TIMM50: variants seen among roughly 807,000 people sequenced by gnomAD.
TIMM50 encodes mitochondrial import inner membrane translocase subunit TIM50.
TIMM50 carries 34 observed loss-of-function variants against 49.6 expected under a neutral mutation model. That is an observed-to-expected ratio of 0.69 (90% confidence interval 0.52 to 0.91). The LOEUF (loss-of-function observed/expected upper bound fraction) is 0.91, where lower values mean the gene tolerates loss of function less well. Ranked by LOEUF, TIMM50 falls within the 40% of genes least tolerant of loss-of-function variation. TIMM50 has a pLI of 0.00. For synonymous variants in TIMM50, 199 were observed against 198.4 expected (o/e 1.00, Z -0.03); for missense variants, 458 against 477.8 (o/e 0.96, Z 0.39).
At position 39,481,874 on chromosome 19, in the gene TIMM50, C is replaced by T; in HGVS notation, c.109-9C>T. 6.2e-7 allele frequency: 1 copy of T among 1,610,136 alleles called. No homozygotes were observed. The highest frequency in any genetic ancestry group is 1.1e-5 in the South Asian group (1 of 91,008). On this transcript the variant is annotated splice_polypyrimidine_tract_variant and intron_variant, in intron 1 of 10. Coordinates refer to ENST00000607714, the MANE Select transcript of TIMM50 (RefSeq NM_001001563.5). ...CTCTCTTGGCTGACCTCCCCTTTCT[C>T]AACCGCAGGCCGCAGAGATCGGGAG...
chr19:39,483,903 G>T (rs2146151489), intron 4 of TIMM50, among the ~76,000 whole-genome samples: 1 of 152,070 alleles, frequency 6.6e-6, no homozygotes, highest in East Asian at 1.9e-4. Context: ...GCCTAGGCTG[G>T]AGTGCAGTGA....
In TIMM50 at chr19:39,490,980, T is replaced by G. The variant is rs1295341592; in HGVS notation, c.*1160T>G. ...TTGTGGTGAGCCGAGATCGCACCATTGCACTCCAGCCTGGGCAACAGCAGC... is the reference window on the plus strand; with the variant it reads ...TTGTGGTGAGCCGAGATCGCACCATGGCACTCCAGCCTGGGCAACAGCAGC... On this transcript the variant is annotated 3_prime_UTR_variant, in exon 11 of 11. Coordinates refer to ENST00000607714, the MANE Select transcript of TIMM50 (RefSeq NM_001001563.5). The G allele has an allele frequency of 6.6e-6, 1 of 151,584 alleles. No homozygotes were observed. The highest frequency in any genetic ancestry group is 1.5e-5 in the Non-Finnish European group (1 of 68,032). The allele number at this position is 151,584 out of a possible 1,614,324, so 9.4% of individuals were successfully genotyped here.
Position 39,491,068 on chromosome 19 carries a change from GC to G in TIMM50, c.*1249del, listed in dbSNP as rs145654786. On this transcript the variant is annotated 3_prime_UTR_variant, in exon 11 of 11. Coordinates refer to ENST00000607714, the MANE Select transcript of TIMM50 (RefSeq NM_001001563.5). ...AAATGTTGGCTTCTAACTAAAACAG[GC>G]AGATATGTAGCAGTGTTCTCCACTG... 0.041 allele frequency: 6,199 copies of G among 152,040 alleles called. 136 individuals carry two copies. The highest frequency in any genetic ancestry group is 0.067 in the South Asian group (322 of 4,816). 9.4% of individuals were successfully genotyped at this position (152,040 alleles called of 1,614,324 possible). A position where few individuals can be genotyped will look rare whatever the true frequency, so the allele number is the denominator to read the frequency against.
chr19:39,490,007 C>A lies in TIMM50; in HGVS notation c.*187C>A, dbSNP rs75313376. 7.2e-5 allele frequency: 44 copies of A among 613,052 alleles called. No homozygotes were observed. In the African/African-American group the frequency reaches 7.4e-4, roughly 10 times the overall value. 38.0% of individuals were successfully genotyped at this position (613,052 alleles called of 1,614,324 possible). On this transcript the variant is annotated 3_prime_UTR_variant, in exon 11 of 11. Transcript: ENST00000607714. ...GGGTCATCGTCCCACAGTGGCTGATCGGCTGCCAAGCACAGTGGGGGTGCT... is the reference window on the plus strand; with the variant it reads ...GGGTCATCGTCCCACAGTGGCTGATAGGCTGCCAAGCACAGTGGGGGTGCT...
At chr19:39,488,691 T>C (rs1568443364) in intron 10 of TIMM50, 46 bp downstream of exon 10, 2 of 1,517,980 alleles carry the variant, frequency 1.3e-6, no homozygotes, top group Non-Finnish European at 1.8e-6. Flanking sequence ...CTGAGGCTCC[T>C]GAAGGAGGAG....
chr19:39,488,474 C>G, intron 9 of TIMM50, 65 bp from the exon 10 acceptor site: 1 of 1,489,492 alleles, frequency 6.7e-7, no homozygotes, highest in Admixed American at 1.7e-5. Flanking sequence ...GGACGTTCCC[C>G]TCATGGGCCC....
chr19:39,481,389 A>G (rs73930735), intron 1 of TIMM50: 2,618 of 258,138 alleles, frequency 0.01, 70 homozygotes, highest in African/African-American at 0.054. Context: ...CTCCAAGTCT[A>G]TCACTTCTGT....
intron 10 of TIMM50, 115 bp downstream of exon 10, chr19:39,488,760 CCT>C: frequency 2.7e-6 from 2 of 749,888 alleles, no homozygotes; most frequent in East Asian, 2.6e-5. Flanking sequence ...GCAGATACCT[CCT>C]CTCTGCCTCA....
At chr19:39,482,831 G>A in intron 2 of TIMM50, 54 bp from the exon 3 acceptor site, 1 of 1,612,820 alleles carries the variant, frequency 6.2e-7, no homozygotes, top group Non-Finnish European at 8.5e-7. Context: ...TCCTCCCTCG[G>A]GACCCAGGGG....
At chr19:39,486,987 TG>T (rs2079511654) in intron 8 of TIMM50, among the ~76,000 whole-genome samples, 1 of 152,114 alleles carries the variant, frequency 6.6e-6, no homozygotes, top group African/African-American at 2.4e-5. Flanking sequence ...GGTTCTGTGT[TG>T]CTCTTGGAAA....
Position 39,488,411 on chromosome 19 carries a change from A to G in TIMM50, c.854-128A>G. 3 of 1,087,656 alleles carry G rather than the reference A, an allele frequency of 2.8e-6. No individual in the cohort carries two copies. The South Asian group carries it at 4.4e-5, about 16-fold the overall frequency. The allele number at this position is 1,087,656 out of a possible 1,614,324, so 67.4% of individuals were successfully genotyped here. ...TGGGGATGTTCAGGGGAGCCCTTTC[A>G]GAGCGTTCAGAAGCATTCCAGGTAG... On this transcript the variant is annotated intron_variant, in intron 9 of 10. Transcript: ENST00000607714.
In TIMM50 at chr19:39,486,276, G is replaced by A. The variant is rs62120692; in HGVS notation, c.582G>A (p.Thr194=). ...LAPLYEIVIF[T]SETGMTAFPL... is the part of the protein sequence containing the mutation. The stretch of plus-strand genomic sequence containing the variant: ...CTTTATATGAAATTGTCATCTTTAC[G>A]TCAGAGACTGGCATGGTGAGGCTCT... The change falls in exon 7 of 11, where the codon ACG becomes ACA. Residue 194 remains threonine (T), a synonymous_variant. Transcript: ENST00000607714. 1.9e-5 allele frequency: 30 copies of A among 1,614,008 alleles called. No homozygotes were observed. The highest frequency in any genetic ancestry group is 1.1e-4 in the African/African-American group (8 of 74,910).
intron 7 of TIMM50, 32 bp from the exon 8 acceptor site, chr19:39,486,365 C>T: frequency 1.2e-6 from 2 of 1,613,492 alleles, no homozygotes; most frequent in Non-Finnish European, 1.7e-6. Context: ...AGGGCTCAGC[C>T]TGACCTTTTC....
chr19:39,487,427 C>T (rs1323237730), intron 8 of TIMM50, among the ~76,000 whole-genome samples: 2 of 152,106 alleles, frequency 1.3e-5, no homozygotes, highest in Non-Finnish European at 2.9e-5. Flanking sequence ...CACACACCAC[C>T]ATGCCTGGCT....
At chr19:39,481,562 C>G (rs1296274862) in intron 1 of TIMM50, among the ~76,000 whole-genome samples, 1 of 152,216 alleles carries the variant, frequency 6.6e-6, no homozygotes, top group South Asian at 2.1e-4. Flanking sequence ...CGTTCCCTCT[C>G]ATCCCAGTGT....
chr19:39,482,218 C>T (rs536510712), intron 2 of TIMM50, among the ~76,000 whole-genome samples, 185 bp downstream of exon 2: 14 of 152,254 alleles, frequency 9.2e-5, no homozygotes, highest in Admixed American at 2.6e-4. Flanking sequence ...CCCTTCCACT[C>T]CTTAAGGTTC....
chr19:39,486,393 C>A lies in TIMM50; in HGVS notation c.598-4C>A. 4 of 1,614,182 alleles carry A rather than the reference C, an allele frequency of 2.5e-6. No individual in the cohort carries two copies. The highest frequency in any genetic ancestry group is 1.7e-5 in the Admixed American group (1 of 60,018). ...ACCTTTTCTCGCTCCCTTCCCACCC[C>A]CAGACTGCGTTTCCACTCATTGATA... On this transcript the variant is annotated splice_polypyrimidine_tract_variant and splice_region_variant and intron_variant, in intron 7 of 10. Transcript: ENST00000607714.
rs746353279 is a variant in TIMM50, at chr19:39,486,397, A to G, written c.598A>G (p.Thr200Ala). Residue 200 changes from threonine to alanine, a missense_variant and splice_region_variant, in exon 8 of 11, where the codon ACT (threonine) becomes GCT (alanine). Physicochemically the swap from Thr to Ala is moderately conservative, Grantham distance 58. Coordinates refer to ENST00000607714, the MANE Select transcript of TIMM50 (RefSeq NM_001001563.5). ...IVIFTSETGM[T>A]AFPLIDSVDP... ...TTTCTCGCTCCCTTCCCACCCCCAG[A>G]CTGCGTTTCCACTCATTGATAGTGT... 1.2e-6 allele frequency: 2 copies of G among 1,614,088 alleles called. No individual in the cohort carries two copies. Among genetic ancestry groups the G allele is most frequent in the Non-Finnish European group, 1.7e-6 (2 of 1,179,986 alleles).
At position 39,486,406 on chromosome 19, in the gene TIMM50, C is replaced by T. The variant is rs1240847784; in HGVS notation, c.607C>T (p.Pro203Ser). 6.2e-7 allele frequency: 1 copy of T among 1,614,194 alleles called. No individual in the cohort carries two copies. Among genetic ancestry groups the T allele is most frequent in the Non-Finnish European group, 8.5e-7 (1 of 1,180,036 alleles). ...FTSETGMTAFPLIDSVDPHGF... is the reference protein window; with the variant it reads ...FTSETGMTAFSLIDSVDPHGF... ...CCCTTCCCACCCCCAGACTGCGTTT[C>T]CACTCATTGATAGTGTGGACCCCCA... is the stretch of plus-strand genomic sequence containing the variant. The change falls in exon 8 of 11, where the codon CCA becomes TCA. Residue 203 changes from proline (P) to serine (S), a missense_variant. By Grantham distance (74) the Pro-to-Ser change is moderately conservative. Coordinates refer to ENST00000607714, the MANE Select transcript of TIMM50 (RefSeq NM_001001563.5).
Sources: gnomAD v4.1 joint callset for allele counts (sites outside exome capture counted in the v4.1 genomes callset) on GRCh38, gnomAD v4.1.1 for gene constraint, MANE v1.5 for transcripts, NCBI Gene and HGNC (gene_info 2026-07-23, HGNC 2026-07-21) for gene names.